The following TMEM132B variants were observed in gnomAD, a reference collection of about 807,000 sequenced individuals.
TMEM132B encodes transmembrane protein 132B.
Under a neutral mutation model 90.8 loss-of-function variants are expected in TMEM132B, and 18 were observed. The observed-to-expected ratio is 0.20, with a 90% CI of 0.14 to 0.29. The LOEUF (loss-of-function observed/expected upper bound fraction) is 0.29. Ranked by LOEUF, TMEM132B falls within the 10% of genes least tolerant of loss-of-function variation. The pLI is 1.00. For missense variants in TMEM132B, 1,096 were observed against 1,326.8 expected (o/e 0.83, Z 2.70); for synonymous variants, 504 against 523.3 (o/e 0.96, Z 0.50).
chr12:125,243,485 T>G (rs1451162673), intron 1 of TMEM132B, among the ~76,000 whole-genome samples: 1 of 152,016 alleles, frequency 6.6e-6, no homozygotes, highest in Non-Finnish European at 1.5e-5. Flanking sequence ...TTTGCATTTT[T>G]AGTAGAGATG....
intron 2 of TMEM132B, among the ~76,000 whole-genome samples, chr12:125,386,990 T>G (rs1878854137): frequency 6.6e-6 from 1 of 152,194 alleles, no homozygotes; most frequent in Admixed American, 6.5e-5. Flanking sequence ...AGGCTGTTTT[T>G]GAAGTGATGA....
intron 6 of TMEM132B, among the ~76,000 whole-genome samples, chr12:125,648,850 G>T (rs1412650348): frequency 1.3e-5 from 2 of 152,024 alleles, no homozygotes; most frequent in Non-Finnish European, 2.9e-5. Context: ...TAAAATTATT[G>T]CAAAGAAAAT....
intron 5 of TMEM132B, among the ~76,000 whole-genome samples, chr12:125,619,880 A>G (rs889418246): frequency 4.6e-5 from 7 of 152,234 alleles, no homozygotes; most frequent in African/African-American, 1.7e-4. Flanking sequence ...TTCTGTGGCC[A>G]TAAATCTGTG....
chr12:125,191,574 G>A (rs955600245), intron 1 of TMEM132B, among the ~76,000 whole-genome samples: 1 of 152,150 alleles, frequency 6.6e-6, no homozygotes, highest in African/African-American at 2.4e-5. Context: ...GTGGGTAGTC[G>A]TTAAGCTCCT....
intron 4 of TMEM132B, among the ~76,000 whole-genome samples, chr12:125,579,110 CTG>C (rs1884996161): frequency 6.6e-6 from 1 of 152,116 alleles, no homozygotes; most frequent in Non-Finnish European, 1.5e-5. Flanking sequence ...ACAGAAATCT[CTG>C]ATGCTGTATT....
intron 4 of TMEM132B, among the ~76,000 whole-genome samples, chr12:125,578,713 T>C (rs1884987494): frequency 1.3e-5 from 2 of 152,224 alleles, no homozygotes; most frequent in Admixed American, 6.5e-5. Flanking sequence ...GTTTTCTGGA[T>C]ATAAAATTCT....
chr12:125,216,859 G>A (rs1038138974), intron 1 of TMEM132B, among the ~76,000 whole-genome samples: 1 of 152,194 alleles, frequency 6.6e-6, no homozygotes, highest in Non-Finnish European at 1.5e-5. Flanking sequence ...CAAGCTGGCC[G>A]GAGGCATCGA....
intron 1 of TMEM132B, among the ~76,000 whole-genome samples, chr12:125,224,512 A>C (rs1430492570): frequency 6.6e-6 from 1 of 152,222 alleles, no homozygotes; most frequent in Non-Finnish European, 1.5e-5. Flanking sequence ...TGAAGCACTC[A>C]TCCCATTGTC....
chr12:125,302,174 T>C (rs1238023597), intron 1 of TMEM132B, among the ~76,000 whole-genome samples: 2 of 151,886 alleles, frequency 1.3e-5, no homozygotes, highest in East Asian at 3.9e-4. Context: ...CACTCCAGGC[T>C]GGCGACAGAG....
At chr12:125,560,544 C>T (rs1012792965) in intron 4 of TMEM132B, among the ~76,000 whole-genome samples, 21 of 152,094 alleles carry the variant, frequency 1.4e-4, no homozygotes, top group African/African-American at 2.9e-4. Flanking sequence ...CAGGAAAGGC[C>T]GGGCGCGGTG....
intron 2 of TMEM132B, among the ~76,000 whole-genome samples, chr12:125,404,361 T>C (rs2136326285): frequency 6.6e-6 from 1 of 152,184 alleles, no homozygotes; most frequent in Middle Eastern, 3.4e-3. Context: ...GTTAGAGGAA[T>C]TTTCTGCTAA....
intron 4 of TMEM132B, among the ~76,000 whole-genome samples, chr12:125,550,031 G>A (rs907993423): frequency 2.0e-5 from 3 of 152,198 alleles, no homozygotes; most frequent in Non-Finnish European, 4.4e-5. Context: ...CTTTCCAGCA[G>A]AGGACGCTAG....
chr12:125,208,219 CAGT>C (rs1361205439), intron 1 of TMEM132B, among the ~76,000 whole-genome samples: 1 of 152,142 alleles, frequency 6.6e-6, no homozygotes, highest in Non-Finnish European at 1.5e-5. Flanking sequence ...GGAGGGATGG[CAGT>C]AGACAGAGTT....
At chr12:125,522,799 C>A (rs1466632770) in intron 4 of TMEM132B, among the ~76,000 whole-genome samples, 1 of 152,182 alleles carries the variant, frequency 6.6e-6, no homozygotes, top group Non-Finnish European at 1.5e-5. Context: ...GAAAGTCAAC[C>A]CTTTCCTCCC....
intron 1 of TMEM132B, among the ~76,000 whole-genome samples, chr12:125,295,555 A>G (rs906122301): frequency 6.6e-6 from 1 of 150,650 alleles, no homozygotes; most frequent in Admixed American, 6.6e-5. Context: ...AGAGACAGAG[A>G]CAGAGACAGA....
chr12:125,577,334 A>G (rs912338095), intron 4 of TMEM132B, among the ~76,000 whole-genome samples: 3 of 151,208 alleles, frequency 2.0e-5, no homozygotes, highest in South Asian at 2.1e-4. Context: ...TTAATTCCTT[A>G]TTTTAGAAAT....
At chr12:125,216,384 A>G (rs886890647) in intron 1 of TMEM132B, among the ~76,000 whole-genome samples, 2 of 152,136 alleles carry the variant, frequency 1.3e-5, no homozygotes, top group Admixed American at 6.5e-5. Context: ...ATGTGACCTT[A>G]ATTACCTCCA....
Position 125,449,547 on chromosome 12 carries a change from T to C in TMEM132B, c.1106+33870T>C, listed in dbSNP as rs1386090155. 3.3e-5 allele frequency among the ~76,000 whole-genome samples: 5 copies of C among 152,320 alleles called. No homozygotes were observed. In the East Asian group the frequency reaches 7.7e-4, roughly 23 times the overall value. On this transcript the variant is annotated intron_variant, in intron 3 of 8. Transcript: ENST00000682704. ...GAATTAGTTTTTCATTTTATTGCTT[T>C]TCTCTATTGTCTATTTTCCATTTCA... is the stretch of plus-strand genomic sequence containing the variant.
intron 4 of TMEM132B, among the ~76,000 whole-genome samples, chr12:125,574,065 A>G (rs1037596649): frequency 1.3e-5 from 2 of 152,108 alleles, no homozygotes; most frequent in Non-Finnish European, 2.9e-5. Flanking sequence ...ATCTTTTCCT[A>G]TTAGAAACAA....
Sources: gnomAD v4.1 joint callset for allele counts (sites outside exome capture counted in the v4.1 genomes callset) on GRCh38, gnomAD v4.1.1 for gene constraint, MANE v1.5 for transcripts, NCBI Gene and HGNC (gene_info 2026-07-23, HGNC 2026-07-21) for gene names.